Variants in SNTB2 observed in about 807,000 individuals in gnomAD.
SNTB2 encodes the protein beta-2-syntrophin.
SNTB2 carries 34 observed loss-of-function variants against 46.2 expected under a neutral mutation model. That is an observed-to-expected ratio of 0.74 (90% CI 0.56 to 0.98). The LOEUF is 0.98. Among genes scored for constraint, SNTB2 ranks in the 50% least tolerant of loss-of-function variants. The probability of loss-of-function intolerance (pLI) is 0.00; values close to 1 mark genes in which losing one functional copy is unlikely to be tolerated. For synonymous variants in SNTB2, 290 were observed against 312.6 expected (o/e 0.93, Z 0.76); for missense variants, 603 against 731.4 (o/e 0.82, Z 2.02).
chr16:69,250,180 T>C (rs966035689), intron 2 of SNTB2, among the ~76,000 whole-genome samples: 3 of 152,250 alleles, frequency 2.0e-5, no homozygotes, highest in African/African-American at 7.2e-5. Context: ...ATACCACTTA[T>C]ACTCGCATTT....
intron 2 of SNTB2, among the ~76,000 whole-genome samples, chr16:69,255,821 G>T (rs762974927): frequency 4.7e-5 from 7 of 150,260 alleles, no homozygotes; most frequent in Non-Finnish European, 8.9e-5. Context: ...AGGTTGCAGT[G>T]AGCTGAGACC....
intron 1 of SNTB2, among the ~76,000 whole-genome samples, chr16:69,203,450 TG>T (rs1964185640): frequency 6.6e-6 from 1 of 152,164 alleles, no homozygotes; most frequent in Non-Finnish European, 1.5e-5. Flanking sequence ...GCAATCCTCC[TG>T]CCTTAGCCTC....
At chr16:69,280,815 T>TTTTTTTTTTTTTTGTTTTTTTTCCCA (rs1965034990) in intron 4 of SNTB2, among the ~76,000 whole-genome samples, 1 of 151,352 alleles carries the variant, frequency 6.6e-6, no homozygotes, top group Non-Finnish European at 1.5e-5. Flanking sequence ...TTTTTTTTTT[T>TTTTTTTTTTTTTTGTTTTTTTTCCCA]GAGACGGAGT....
At chr16:69,209,133 G>A (rs1364666355) in intron 1 of SNTB2, among the ~76,000 whole-genome samples, 4 of 151,990 alleles carry the variant, frequency 2.6e-5, no homozygotes, top group African/African-American at 9.7e-5. Context: ...CACCACACCC[G>A]GCTAATTTTC....
intron 1 of SNTB2, among the ~76,000 whole-genome samples, chr16:69,224,561 T>C (rs190366883): frequency 2.3e-4 from 35 of 152,284 alleles, no homozygotes; most frequent in Admixed American, 4.6e-4. Flanking sequence ...AACACACAGT[T>C]ATTCTTTAAA....
intron 5 of SNTB2, 148 bp from the exon 6 acceptor site, chr16:69,299,442 A>C (rs1255816076): frequency 7.0e-5 from 57 of 817,090 alleles, no homozygotes; most frequent in South Asian, 1.5e-4. Context: ...CGCCTAGCAC[A>C]AAACACACTT....
intron 5 of SNTB2, among the ~76,000 whole-genome samples, chr16:69,285,716 C>G (rs1001727329): frequency 6.6e-6 from 1 of 151,008 alleles, no homozygotes; most frequent in African/African-American, 2.4e-5. Context: ...GTCTCAAACT[C>G]TTGGCCTCAA....
chr16:69,251,034 A>G (rs1457594609), intron 2 of SNTB2, among the ~76,000 whole-genome samples: 2 of 141,306 alleles, frequency 1.4e-5, no homozygotes, highest in African/African-American at 2.6e-5. Context: ...GCTGGAGTGC[A>G]GTGGCGGGAT....
intron 1 of SNTB2, among the ~76,000 whole-genome samples, chr16:69,244,125 C>T (rs1337287187): frequency 1.3e-5 from 2 of 152,118 alleles, no homozygotes; most frequent in African/African-American, 2.4e-5. Context: ...CAGTTAAGTG[C>T]GGTCACATAG....
chr16:69,193,679 AAG>A (rs1964077113), intron 1 of SNTB2, among the ~76,000 whole-genome samples: 1 of 152,188 alleles, frequency 6.6e-6, no homozygotes, highest in Non-Finnish European at 1.5e-5. Flanking sequence ...AATTTTAAAA[AAG>A]AAAGAAAATG....
At chr16:69,214,581 C>T (rs1244233007) in intron 1 of SNTB2, among the ~76,000 whole-genome samples, 2 of 152,014 alleles carry the variant, frequency 1.3e-5, no homozygotes, top group African/African-American at 4.8e-5. Flanking sequence ...GGCTGGATTG[C>T]AGTGGCACGA....
chr16:69,267,954 T>G (rs1489674176), intron 3 of SNTB2, among the ~76,000 whole-genome samples: 1 of 152,214 alleles, frequency 6.6e-6, no homozygotes, highest in Non-Finnish European at 1.5e-5. Flanking sequence ...AAATGCAGTG[T>G]TGTTGAACAG....
chr16:69,225,667 C>A (rs1964451506), intron 1 of SNTB2, among the ~76,000 whole-genome samples: 1 of 152,174 alleles, frequency 6.6e-6, no homozygotes, highest in East Asian at 1.9e-4. Context: ...TCCTTTTATT[C>A]CTCAAGTAAA....
At chr16:69,187,990 T>C (rs913690740) in intron 1 of SNTB2, among the ~76,000 whole-genome samples, 2 of 152,068 alleles carry the variant, frequency 1.3e-5, no homozygotes, top group Non-Finnish European at 2.9e-5. Flanking sequence ...AGCAGCTGCC[T>C]ATGAAGCCCC....
chr16:69,284,354 T>A, intron 5 of SNTB2, 110 bp downstream of exon 5: 1 of 799,236 alleles, frequency 1.3e-6, no homozygotes, highest in Non-Finnish European at 1.9e-6. Flanking sequence ...ATGACAGCAG[T>A]CCCCTCAGAT....
intron 1 of SNTB2, among the ~76,000 whole-genome samples, chr16:69,190,039 T>C (rs1017699709): frequency 1.3e-5 from 2 of 152,234 alleles, no homozygotes; most frequent in African/African-American, 2.4e-5. Flanking sequence ...TTCAAGCCAC[T>C]GGGTGTAAAA....
At chr16:69,292,380 T>TC (rs1965172616) in intron 5 of SNTB2, among the ~76,000 whole-genome samples, 1 of 26,210 alleles carries the variant, frequency 3.8e-5, no homozygotes. Flanking sequence ...ATATATATAT[T>TC]ATATATATAT....
chr16:69,210,062 G>A (rs998833680), intron 1 of SNTB2, among the ~76,000 whole-genome samples: 1 of 21,114 alleles, frequency 4.7e-5, no homozygotes, highest in African/African-American at 1.6e-4. Context: ...TTTTGCTTTT[G>A]TTGCCCAGGC....
At position 69,305,807 on chromosome 16, in the gene SNTB2, C is replaced by T. The variant is rs955333462; in HGVS notation, c.*4883C>T. The T allele has an allele frequency of 3.3e-5, 5 of 151,082 alleles. No individual in the cohort carries two copies. The highest frequency in any genetic ancestry group is 1.3e-4 in the Admixed American group (2 of 15,116). 9.4% of individuals were successfully genotyped at this position (151,082 alleles called of 1,614,324 possible). A position where few individuals can be genotyped will look rare whatever the true frequency, so the allele number is the denominator to read the frequency against. ...TGAAGATGGAAGTAGAGCAGTCTGC[C>T]ATCTCCTGCTGTTCTTTCTCTGTGC... On this transcript the variant is annotated 3_prime_UTR_variant, in exon 7 of 7. Coordinates refer to ENST00000336278, the MANE Select transcript of SNTB2 (RefSeq NM_006750.4).
Sources: gnomAD v4.1 joint callset for allele counts (sites outside exome capture counted in the v4.1 genomes callset) on GRCh38, gnomAD v4.1.1 for gene constraint, MANE v1.5 for transcripts, NCBI Gene and HGNC (gene_info 2026-07-23, HGNC 2026-07-21) for gene names.